Variants in APBB1IP observed in about 807,000 individuals in gnomAD.
The protein encoded by APBB1IP is amyloid beta A4 precursor protein-binding family B member 1-interacting protein.
Under a neutral mutation model 64.9 loss-of-function variants are expected in APBB1IP, and 27 were observed. The ratio of observed to expected loss-of-function variants is 0.42; its 90% CI spans 0.31 to 0.57. The LOEUF (loss-of-function observed/expected upper bound fraction) is 0.57. Among genes scored for constraint, APBB1IP ranks in the 20% least tolerant of loss-of-function variants. APBB1IP has a pLI of 0.20. For missense variants in APBB1IP, 812 were observed against 845.5 expected, an observed-to-expected ratio of 0.96 and a Z score of 0.49; for synonymous variants, 392 against 331.0, an observed-to-expected ratio of 1.18 and a Z score of -2.00.
Position 26,520,513 on chromosome 10 carries a change from C to T in APBB1IP, c.813+6853C>T, listed in dbSNP as rs571638692. Among the ~76,000 whole-genome samples, 4 of 152,206 alleles carry T rather than the reference C, an allele frequency of 2.6e-5. No homozygotes were observed. In the South Asian group the frequency reaches 8.3e-4, roughly 32 times the overall value. On this transcript the variant is annotated intron_variant, in intron 8 of 14. Coordinates refer to ENST00000376236, the MANE Select transcript of APBB1IP (RefSeq NM_019043.4). ...TTCAATACTTAACAGACGTCTTTTA[C>T]AAATTATTTGTCTTGGGGGATAGTG...
intron 8 of APBB1IP, among the ~76,000 whole-genome samples, chr10:26,524,554 A>G (rs1470244666): frequency 6.6e-6 from 1 of 152,234 alleles, no homozygotes; most frequent in African/African-American, 2.4e-5. Flanking sequence ...TATATATTTC[A>G]GGGAGACAGG....
At chr10:26,526,714 G>T (rs751279231) in intron 8 of APBB1IP, among the ~76,000 whole-genome samples, 26 of 149,050 alleles carry the variant, frequency 1.7e-4, no homozygotes, top group Non-Finnish European at 3.3e-4. Flanking sequence ...GTGAGACTCT[G>T]TCTCAAAATA....
At chr10:26,559,153 T>G (rs1836934343) in intron 11 of APBB1IP, among the ~76,000 whole-genome samples, 1 of 152,200 alleles carries the variant, frequency 6.6e-6, no homozygotes, top group South Asian at 2.1e-4. Flanking sequence ...TAAGTTCCCT[T>G]ATTTGACAAA....
chr10:26,545,127 A>T (rs1483655205), intron 11 of APBB1IP, among the ~76,000 whole-genome samples: 3 of 152,230 alleles, frequency 2.0e-5, no homozygotes, highest in Non-Finnish European at 1.5e-5. Context: ...GAGAATTCTT[A>T]TTAATTTGCT....
intron 6 of APBB1IP, chr10:26,509,646 A>T (rs986083525): frequency 1.3e-5 from 2 of 152,326 alleles, no homozygotes; most frequent in East Asian, 3.9e-4. Flanking sequence ...GAAGCTAGAC[A>T]GGGTTAGGTC....
chr10:26,505,848 G>A (rs901182205), intron 6 of APBB1IP, among the ~76,000 whole-genome samples: 21 of 152,018 alleles, frequency 1.4e-4, no homozygotes, highest in African/African-American at 4.8e-4. Flanking sequence ...CTCTCTTTCT[G>A]TCCTCCTCTG....
chr10:26,487,929 A>G (rs903294447), intron 2 of APBB1IP, among the ~76,000 whole-genome samples: 4 of 152,228 alleles, frequency 2.6e-5, no homozygotes, highest in Admixed American at 1.3e-4. Context: ...TCAGCAAACA[A>G]ATCTATATTT....
chr10:26,538,295 A>G (rs1617047), intron 10 of APBB1IP, among the ~76,000 whole-genome samples: 70,053 of 152,028 alleles, frequency 0.46, 16,580 homozygotes, highest in East Asian at 0.62. Flanking sequence ...TTCATATGGC[A>G]TAAAATATAA....
chr10:26,521,196 G>A (rs544505106), intron 8 of APBB1IP, among the ~76,000 whole-genome samples: 1 of 152,298 alleles, frequency 6.6e-6, no homozygotes, highest in South Asian at 2.1e-4. Context: ...CCAAGTATGA[G>A]TCTAACTATT....
In APBB1IP at chr10:26,567,006, C is replaced by A. The variant is rs1368607426; in HGVS notation, c.1519C>A (p.Arg507=). ...LGNHHDPAVP[R]APHAPKSSLP... ...GAACCACCACGACCCGGCAGTGCCC[C>A]GGGCCCCGCACGCCCCCAAGTCCAG... Residue 507 remains arginine (R), a synonymous_variant, in exon 15 of 15, where the codon CGG becomes AGG. Coordinates refer to ENST00000376236, the MANE Select transcript of APBB1IP (RefSeq NM_019043.4). 2 of 1,576,860 alleles carry A rather than the reference C, an allele frequency of 1.3e-6. No individual in the cohort carries two copies. The highest frequency in any genetic ancestry group is 1.7e-6 in the Non-Finnish European group (2 of 1,170,750).
At chr10:26,562,235 G>C (rs1192536640) in intron 13 of APBB1IP, 91 bp from the exon 14 acceptor site, 1 of 937,790 alleles carries the variant, frequency 1.1e-6, no homozygotes, top group East Asian at 2.5e-5. Flanking sequence ...CTTTGCTTTA[G>C]AGATGCAAAC....
chr10:26,562,637 GA>G (rs907229650), intron 14 of APBB1IP, among the ~76,000 whole-genome samples: 165 of 149,354 alleles, frequency 1.1e-3, no homozygotes, highest in African/African-American at 3.9e-3. Flanking sequence ...GTCTCTACTA[GA>G]AAAAAAAAAT....
At chr10:26,456,627 T>C (rs1395051331) in intron 2 of APBB1IP, among the ~76,000 whole-genome samples, 2 of 151,064 alleles carry the variant, frequency 1.3e-5, no homozygotes, top group Non-Finnish European at 2.9e-5. Context: ...TATTCCCAGC[T>C]ACTCAGGAGG....
chr10:26,530,639 G>A (rs940671348), intron 8 of APBB1IP, among the ~76,000 whole-genome samples: 7 of 151,526 alleles, frequency 4.6e-5, no homozygotes, highest in East Asian at 3.9e-4. Context: ...GCAGTGAGCC[G>A]AGATCGCGCT....
At chr10:26,502,920 G>A (rs1836124707) in intron 5 of APBB1IP, among the ~76,000 whole-genome samples, 1 of 152,166 alleles carries the variant, frequency 6.6e-6, no homozygotes, top group African/African-American at 2.4e-5. Context: ...GCTATAAAGA[G>A]TGACTGCCTT....
rs1467787190 is a variant in APBB1IP at position 26,567,318 on chromosome 10, G to A, written c.1831G>A (p.Ala611Thr). The change falls in exon 15 of 15, where the codon GCC becomes ACC. Residue 611 changes from alanine (A) to threonine (T), a missense_variant. Around this residue, in one of 3 missense-constraint regions of APBB1IP, gnomAD observed 381 missense variants for 352.1 expected, o/e 1.08. Transcript: ENST00000376236. ...GCCGCCGCCGCCCGCGCCCGCGCCCGCCCCCGTCCCCGACTCCGCCAGGCC... is the reference window on the plus strand; with the variant it reads ...GCCGCCGCCGCCCGCGCCCGCGCCCACCCCCGTCCCCGACTCCGCCAGGCC... ...PPPPPPAPAP[A>T]PVPDSARPPP... The A allele has an allele frequency of 3.3e-6, 4 of 1,219,036 alleles. No individual in the cohort carries two copies. In the East Asian group the frequency reaches 2.4e-4, roughly 72 times the overall value. The allele number at this position is 1,219,036 out of a possible 1,614,324, so 75.5% of individuals were successfully genotyped here.
intron 8 of APBB1IP, among the ~76,000 whole-genome samples, chr10:26,514,969 T>C (rs529825971): frequency 6.6e-6 from 1 of 152,134 alleles, no homozygotes; most frequent in Admixed American, 6.5e-5. Flanking sequence ...CCTCCCGGGT[T>C]CAGGTGATTC....
intron 2 of APBB1IP, among the ~76,000 whole-genome samples, chr10:26,486,391 C>A (rs952870320): frequency 1.1e-4 from 16 of 152,098 alleles, no homozygotes; most frequent in Admixed American, 8.5e-4. Context: ...ACAGATTCCT[C>A]GACCGACTAG....
At chr10:26,497,045 A>G (rs1836033928) in intron 4 of APBB1IP, among the ~76,000 whole-genome samples, 1 of 152,052 alleles carries the variant, frequency 6.6e-6, no homozygotes, top group Admixed American at 6.6e-5. Flanking sequence ...AAATAAAAAA[A>G]TTAGCCAAGC....
Sources: allele counts gnomAD v4.1 joint callset (sites outside exome capture counted in the v4.1 genomes callset), GRCh38; gene constraint gnomAD v4.1.1; regional missense constraint gnomAD v4.1.1; transcripts MANE v1.5; gene names NCBI Gene and HGNC (gene_info 2026-07-23, HGNC 2026-07-21).